NAALADL2: variants seen among roughly 807,000 people sequenced by gnomAD.
The protein encoded by NAALADL2 is N-acetylated alpha-linked acidic dipeptidase like 2.
NAALADL2 carries 76 observed loss-of-function variants against 87.2 expected under a neutral mutation model. That is an observed-to-expected ratio of 0.87 (90% CI 0.72 to 1.05). The LOEUF (loss-of-function observed/expected upper bound fraction) is 1.05, where lower values mean the gene tolerates loss of function less well. NAALADL2 is among the 50% of genes least tolerant of loss of function. The pLI, the probability that NAALADL2 is intolerant of heterozygous loss-of-function variation, is 0.00. For missense variants in NAALADL2, 1,089 were observed against 945.8 expected (o/e 1.15, Z -1.99); for synonymous variants, 354 against 331.0 (o/e 1.07, Z -0.75).
chr3:174,729,289 T>C (rs1193600583), intron 2 of NAALADL2, among the ~76,000 whole-genome samples: 1 of 152,054 alleles, frequency 6.6e-6, no homozygotes, highest in Admixed American at 6.6e-5. Flanking sequence ...TTTACTAGTA[T>C]TAACTCATTA....
chr3:174,661,380 C>A (rs908703595), intron 2 of NAALADL2, among the ~76,000 whole-genome samples: 7 of 152,024 alleles, frequency 4.6e-5, no homozygotes, highest in Admixed American at 1.3e-4. Context: ...TTATTCCAGG[C>A]TCTTAGTTCT....
chr3:175,716,731 G>A (rs1360757275), intron 11 of NAALADL2, among the ~76,000 whole-genome samples: 1 of 152,122 alleles, frequency 6.6e-6, no homozygotes, highest in African/African-American at 2.4e-5. Flanking sequence ...AGGGCAATGG[G>A]AAGCCAAGTT....
At chr3:175,192,606 G>T (rs1030561535) in intron 2 of NAALADL2, among the ~76,000 whole-genome samples, 2 of 151,894 alleles carry the variant, frequency 1.3e-5, no homozygotes, top group Non-Finnish European at 2.9e-5. Flanking sequence ...GTAGAAAATT[G>T]TTAATTAATT....
intron 2 of NAALADL2, among the ~76,000 whole-genome samples, chr3:175,114,790 T>C (rs1378894484): frequency 6.6e-6 from 1 of 151,638 alleles, no homozygotes; most frequent in African/African-American, 2.4e-5. Flanking sequence ...ATTTATTACA[T>C]AGTGCTTGTT....
At chr3:175,084,285 AT>A (rs543086616) in intron 1 of NAALADL2, among the ~76,000 whole-genome samples, 1 of 151,996 alleles carries the variant, frequency 6.6e-6, no homozygotes, top group East Asian at 1.9e-4. Flanking sequence ...CAGCTGGCCT[AT>A]TTTTTTGCTC....
intron 11 of NAALADL2, among the ~76,000 whole-genome samples, chr3:175,714,551 T>A (rs1740980544): frequency 1.3e-5 from 2 of 152,222 alleles, no homozygotes. Flanking sequence ...TCTGTTCATA[T>A]CCTTTGCCCA....
At chr3:175,773,523 A>G (rs534208382) in intron 13 of NAALADL2, 1 of 152,182 alleles carries the variant, frequency 6.6e-6, no homozygotes, top group East Asian at 1.9e-4. Flanking sequence ...GGTTATTTTA[A>G]TTTGATTGCA....
intron 1 of NAALADL2, among the ~76,000 whole-genome samples, chr3:175,065,816 C>T (rs1714435268): frequency 2.0e-5 from 3 of 152,132 alleles, no homozygotes; most frequent in South Asian, 2.1e-4. Context: ...AAACCTAGCC[C>T]TTTTATCAAT....
intron 2 of NAALADL2, among the ~76,000 whole-genome samples, chr3:175,168,473 A>G (rs900032180): frequency 6.6e-6 from 1 of 151,876 alleles, no homozygotes; most frequent in African/African-American, 2.4e-5. Flanking sequence ...CTAAGGTATA[A>G]TATAGCAAGC....
chr3:175,209,516 G>T (rs2109248547), intron 2 of NAALADL2, among the ~76,000 whole-genome samples: 1 of 152,028 alleles, frequency 6.6e-6, no homozygotes, highest in South Asian at 2.1e-4. Context: ...AGATAATGAG[G>T]AATAACAGTG....
chr3:174,735,130 A>T (rs952850880), intron 2 of NAALADL2, among the ~76,000 whole-genome samples: 1 of 152,220 alleles, frequency 6.6e-6, no homozygotes, highest in Non-Finnish European at 1.5e-5. Context: ...GTGAAGCACA[A>T]ATAAGTAGCT....
chr3:174,554,325 C>T (rs1186854216), intron 2 of NAALADL2, among the ~76,000 whole-genome samples: 1 of 151,856 alleles, frequency 6.6e-6, no homozygotes, highest in East Asian at 1.9e-4. Flanking sequence ...ATTAAATATT[C>T]ATTTATAACA....
chr3:175,419,835 T>A (rs1039436179), intron 5 of NAALADL2, among the ~76,000 whole-genome samples: 4 of 151,992 alleles, frequency 2.6e-5, no homozygotes, highest in Non-Finnish European at 5.9e-5. Flanking sequence ...TGCAGTATGC[T>A]TCATAGAAGA....
intron 2 of NAALADL2, among the ~76,000 whole-genome samples, chr3:175,141,670 A>G (rs1040205676): frequency 6.6e-6 from 1 of 152,120 alleles, no homozygotes; most frequent in Non-Finnish European, 1.5e-5. Context: ...GGTAGAAGGC[A>G]TACTTATACA....
At chr3:175,719,903 T>C (rs1291521729) in intron 11 of NAALADL2, among the ~76,000 whole-genome samples, 1 of 152,210 alleles carries the variant, frequency 6.6e-6, no homozygotes, top group African/African-American at 2.4e-5. Context: ...AGTCTCCTCA[T>C]GTGATAGAAG....
intron 3 of NAALADL2, among the ~76,000 whole-genome samples, chr3:174,825,883 C>T (rs111877744): frequency 0.1 from 15,779 of 151,980 alleles, 950 homozygotes; most frequent in Middle Eastern, 0.15. Flanking sequence ...AAAAATTAGG[C>T]GGGCGTGGTG....
upstream of NAALADL2, among the ~76,000 whole-genome samples, chr3:174,856,948 G>T (rs1326621464): frequency 6.6e-6 from 1 of 151,872 alleles, no homozygotes; most frequent in East Asian, 1.9e-4. Context: ...ATGTCATTTG[G>T]GTTTGGTACT....
intron 5 of NAALADL2, among the ~76,000 whole-genome samples, chr3:175,327,148 C>CTTTTTTTTTTTTTTTTTTTTT (rs35198621): frequency 1.0e-5 from 1 of 99,514 alleles, no homozygotes; most frequent in African/African-American, 4.2e-5. Flanking sequence ...GTCTACATTT[C>CTTTTTTTTTTTTTTTTTTTTT]TTTTTTTTTT....
chr3:175,066,408 G>C (rs80270027), intron 1 of NAALADL2, among the ~76,000 whole-genome samples: 16,930 of 151,956 alleles, frequency 0.11, 1,075 homozygotes, highest in East Asian at 0.21. Flanking sequence ...ACACCAAACC[G>C]GAAGTTCCAT....
Sources: gnomAD v4.1 joint callset for allele counts (sites outside exome capture counted in the v4.1 genomes callset) on GRCh38, gnomAD v4.1.1 for gene constraint, MANE v1.5 for transcripts, NCBI Gene and HGNC (gene_info 2026-07-23, HGNC 2026-07-21) for gene names.